The following DOK1 variants were observed in gnomAD, a reference collection of about 807,000 sequenced individuals.
DOK1 encodes docking protein 1.
Under a neutral mutation model 24.0 loss-of-function variants are expected in DOK1, and 12 were observed. The ratio of observed to expected loss-of-function variants is 0.50; its 90% confidence interval spans 0.32 to 0.81. DOK1 has a LOEUF of 0.81. Ranked by LOEUF, DOK1 falls within the 30% of genes least tolerant of loss-of-function variation. The pLI is 0.03. For synonymous variants in DOK1, 250 were observed against 260.9 expected (o/e 0.96, Z 0.40); for missense variants, 591 against 620.7 (o/e 0.95, Z 0.51).
At position 74,556,771 on chromosome 2, in the gene DOK1, TG is replaced by T; in HGVS notation, c.1105del (p.Ala369ProfsTer25). ...CCCATCTATGATGAACCTGAGGGCC[TG>T]GCCCCAGTCCCTCCCCAGGGCCTTT... ...EDPIYDEPEG[L>X]APVPPQGLYD... On this transcript the variant is annotated frameshift_variant, in exon 5 of 5. Coordinates refer to ENST00000233668, the MANE Select transcript of DOK1 (RefSeq NM_001381.5). LOFTEE classifies it low-confidence loss of function (END_TRUNC). The surrounding 1 kb of genome is among the most constrained non-coding windows in gnomAD (Gnocchi z 4.1). 1 of 1,614,156 alleles carries T rather than the reference TG, an allele frequency of 6.2e-7. No individual in the cohort carries two copies. Among genetic ancestry groups the T allele is most frequent in the East Asian group, 2.2e-5 (1 of 44,878 alleles).
At position 74,555,053 on chromosome 2, in the gene DOK1, C is replaced by T; in HGVS notation, c.61-101C>T. On this transcript the variant is annotated intron_variant, in intron 1 of 4. Coordinates refer to ENST00000233668, the MANE Select transcript of DOK1 (RefSeq NM_001381.5). The surrounding 1 kb of genome is among the most constrained non-coding windows in gnomAD (Gnocchi z 6.1). Reference sequence around the variant, plus strand: ...TTCGCCCCCAACCCCGTTTGGAAGCCCCAGATCCCAAATCGACTTGCGCCG... The same window carrying T: ...TTCGCCCCCAACCCCGTTTGGAAGCTCCAGATCCCAAATCGACTTGCGCCG... The T allele has an allele frequency of 2.1e-6, 3 of 1,462,062 alleles. No homozygotes were observed. Among genetic ancestry groups the T allele is most frequent in the Non-Finnish European group, 2.7e-6 (3 of 1,092,642 alleles). 90.6% of individuals were successfully genotyped at this position (1,462,062 alleles called of 1,614,324 possible).
Position 74,554,962 on chromosome 2 carries a change from C to T in DOK1, c.60+148C>T. 6.9e-7 allele frequency: 1 copy of T among 1,442,954 alleles called. No homozygotes were observed. Among genetic ancestry groups the T allele is most frequent in the Non-Finnish European group, 9.5e-7 (1 of 1,052,334 alleles). The allele number at this position is 1,442,954 out of a possible 1,614,324, so 89.4% of individuals were successfully genotyped here. On this transcript the variant is annotated intron_variant, in intron 1 of 4. Transcript: ENST00000233668. This position sits in a 1 kb window ranked among gnomAD's most constrained non-coding sequence, Gnocchi z 4.9. ...CCCGTGAAGTTGCTTTGCACACTCC[C>T]GGGAAGCGTCTGTAGTCTAGGGGTT...
chr2:74,552,240 G>T, upstream of DOK1: 1 of 1,315,036 alleles, frequency 7.6e-7, no homozygotes, highest in Non-Finnish European at 1.1e-6. Flanking sequence ...TGTCCCTATG[G>T]CTGTGCCATC....
At chr2:74,554,558 G>A, upstream of DOK1, 1 of 602,958 alleles carries the variant, frequency 1.7e-6, no homozygotes, top group South Asian at 2.0e-5. This position sits in a 1 kb window ranked among gnomAD's most constrained non-coding sequence, Gnocchi z 4.9. Flanking sequence ...GTAGGGGCCT[G>A]GGGTGCTGCA....
upstream of DOK1, among the ~76,000 whole-genome samples, chr2:74,551,183 C>T (rs1464772101): frequency 6.6e-6 from 1 of 152,246 alleles, no homozygotes; most frequent in Non-Finnish European, 1.5e-5. Context: ...ATCCACCCAC[C>T]TCAGCCTCCC....
At chr2:74,550,360 G>T, upstream of DOK1, 1 of 1,611,696 alleles carries the variant, frequency 6.2e-7, no homozygotes, top group Non-Finnish European at 8.5e-7. Flanking sequence ...TGTGGAAGGG[G>T]AGATGAAGGG....
chr2:74,553,573 C>T (rs994863860), upstream of DOK1, among the ~76,000 whole-genome samples: 1 of 152,226 alleles, frequency 6.6e-6, no homozygotes, highest in Non-Finnish European at 1.5e-5. Flanking sequence ...CATGCTTCCC[C>T]CAACCCAAAC....
In DOK1 at chr2:74,554,979, C is replaced by T; in HGVS notation, c.60+165C>T. 1.4e-6 allele frequency: 2 copies of T among 1,404,492 alleles called. No homozygotes were observed. Among genetic ancestry groups the T allele is most frequent in the Non-Finnish European group, 2.0e-6 (2 of 1,021,276 alleles). 87.0% of individuals were successfully genotyped at this position (1,404,492 alleles called of 1,614,324 possible). The stretch of plus-strand genomic sequence containing the variant: ...CACACTCCCGGGAAGCGTCTGTAGT[C>T]TAGGGGTTCTGGTCCTGGGGAGACG... On this transcript the variant is annotated intron_variant, in intron 1 of 4. Transcript: ENST00000233668. The surrounding 1 kb of genome is among the most constrained non-coding windows in gnomAD (Gnocchi z 4.9).
upstream of DOK1, among the ~76,000 whole-genome samples, chr2:74,551,075 A>T (rs1456371142): frequency 6.6e-6 from 1 of 152,134 alleles, no homozygotes. Flanking sequence ...TGGGGCTACA[A>T]GCATGTGCCA....
Position 74,556,374 on chromosome 2 carries a change from G to T in DOK1, c.706G>T (p.Ala236Ser). Residue 236 changes from alanine (A) to serine (S), a missense_variant, in exon 5 of 5, where the codon GCA becomes TCA. Transcript: ENST00000233668. This position sits in a 1 kb window ranked among gnomAD's most constrained non-coding sequence, Gnocchi z 4.1. ...CCCTGGAACCTTCACCTTCCAGACG[G>T]CACAGGGAAATGACATCTTCCAGGC... ...SGPGTFTFQT[A>S]QGNDIFQAVE... 1 of 1,613,998 alleles carries T rather than the reference G, an allele frequency of 6.2e-7. No homozygotes were observed. Among genetic ancestry groups the T allele is most frequent in the Non-Finnish European group, 8.5e-7 (1 of 1,180,026 alleles).
rs1677423758 is a variant in DOK1 at position 74,555,925 on chromosome 2, T to C, written c.486T>C (p.Thr162=). ...GSQFWVTVQR[T]EAAERCGLHG... Reference sequence around the variant, plus strand: ...AATTCTGGGTAACGGTGCAGAGGACTGAGGCCGCCGAGCGCTGTGGCCTGC... The same window carrying C: ...AATTCTGGGTAACGGTGCAGAGGACCGAGGCCGCCGAGCGCTGTGGCCTGC... The change falls in exon 4 of 5, where the codon ACT becomes ACC. Residue 162 remains threonine (T), a synonymous_variant. Coordinates refer to ENST00000233668, the MANE Select transcript of DOK1 (RefSeq NM_001381.5). This position sits in a 1 kb window ranked among gnomAD's most constrained non-coding sequence, Gnocchi z 6.1. 2.5e-6 allele frequency: 4 copies of C among 1,611,924 alleles called. No individual in the cohort carries two copies. The highest frequency in any genetic ancestry group is 3.4e-6 in the Non-Finnish European group (4 of 1,178,944).
upstream of DOK1, among the ~76,000 whole-genome samples, chr2:74,551,583 A>G (rs556575135): frequency 6.6e-6 from 1 of 152,382 alleles, no homozygotes; most frequent in East Asian, 1.9e-4. Context: ...CCTCCTTGAA[A>G]CTTGGCTTCT....
Position 74,556,632 on chromosome 2 carries a change from A to T in DOK1, c.964A>T (p.Thr322Ser), listed in dbSNP as rs1015831329. 2.5e-6 allele frequency: 4 copies of T among 1,614,124 alleles called. No individual in the cohort carries two copies. The highest frequency in any genetic ancestry group is 1.7e-6 in the Non-Finnish European group (2 of 1,180,050). ...DSLYSDPLDS[T>S]SAQAGEGVQR... ...CCTATACTCAGACCCCTTGGACAGC[A>T]CGTCTGCTCAGGCAGGAGAGGGAGT... The change falls in exon 5 of 5, where the codon ACG (threonine) becomes TCG (serine). Residue 322 changes from threonine (T) to serine (S), a missense_variant. Physicochemically the swap from Thr to Ser is moderately conservative, Grantham distance 58. Transcript: ENST00000233668. This position sits in a 1 kb window ranked among gnomAD's most constrained non-coding sequence, Gnocchi z 4.1.
At position 74,555,640 on chromosome 2, in the gene DOK1, G is replaced by T. The variant is rs1408503107; in HGVS notation, c.426G>T (p.Glu142Asp). The T allele has an allele frequency of 1.2e-6, 2 of 1,614,014 alleles. No individual in the cohort carries two copies. Among genetic ancestry groups the T allele is most frequent in the African/African-American group, 2.7e-5 (2 of 74,926 alleles). ...AGCTTTCTGCCCTGGAGATGCTGGAGAACTCCTTGTACAGCCCTACCTGGG... is the reference window on the plus strand; with the variant it reads ...AGCTTTCTGCCCTGGAGATGCTGGATAACTCCTTGTACAGCCCTACCTGGG... ...PPKLSALEML[E>D]NSLYSPTWEG... is the part of the protein sequence containing the mutation. The change falls in exon 3 of 5, where the codon GAG becomes GAT. Residue 142 changes from glutamate to aspartate, a missense_variant. Transcript: ENST00000233668. The surrounding 1 kb of genome is among the most constrained non-coding windows in gnomAD (Gnocchi z 6.1).
Position 74,557,024 on chromosome 2 carries a change from C to T in DOK1, c.1356C>T (p.Val452=). The change falls in exon 5 of 5, where the codon GTC becomes GTT. Residue 452 remains valine, a synonymous_variant. Coordinates refer to ENST00000233668, the MANE Select transcript of DOK1 (RefSeq NM_001381.5). ...ACAACTCAGCCCTGTACAGCCAGGT[C>T]CAGAAGAGCGGGGCCTCAGGGAGCT... The part of the protein sequence containing the change: ...KSHNSALYSQ[V]QKSGASGSWD... The T allele has an allele frequency of 6.2e-7, 1 of 1,614,212 alleles. No individual in the cohort carries two copies. The highest frequency in any genetic ancestry group is 8.5e-7 in the Non-Finnish European group (1 of 1,180,042).
upstream of DOK1, chr2:74,554,314 A>G (rs1257975554): frequency 5.7e-6 from 1 of 174,426 alleles, no homozygotes; most frequent in Non-Finnish European, 1.2e-5. This position sits in a 1 kb window ranked among gnomAD's most constrained non-coding sequence, Gnocchi z 4.9. Context: ...CGGAGTCTAA[A>G]CAGCCCGGCT....
upstream of DOK1, chr2:74,554,700 C>CCCGCCCCGCCTCCCGCCTT: frequency 6.3e-7 from 1 of 1,587,886 alleles, no homozygotes; most frequent in Non-Finnish European, 8.6e-7. This position sits in a 1 kb window ranked among gnomAD's most constrained non-coding sequence, Gnocchi z 4.9. Flanking sequence ...GGCCCCGCCT[C>CCCGCCCCGCCTCCCGCCTT]CCGCCCCGCC....
chr2:74,554,450 T>C (rs75192983), upstream of DOK1: 90,162 of 466,342 alleles, frequency 0.19, 15,092 homozygotes, highest in East Asian at 0.83. This position sits in a 1 kb window ranked among gnomAD's most constrained non-coding sequence, Gnocchi z 4.9. Flanking sequence ...ACCTTGGGCA[T>C]ATGACGTCAC....
Position 74,557,486 on chromosome 2 carries a change from T to G in DOK1, c.*372T>G, listed in dbSNP as rs1190681533. ...TGTGCCTGGATCCTTACTCCTGCAT[T>G]GTTCTTTGCCAGAGACCTATTTAAA... is the stretch of plus-strand genomic sequence containing the variant. On this transcript the variant is annotated 3_prime_UTR_variant, in exon 5 of 5. Transcript: ENST00000233668. 1.0e-5 allele frequency: 2 copies of G among 196,232 alleles called. No individual in the cohort carries two copies. The highest frequency in any genetic ancestry group is 4.7e-5 in the African/African-American group (2 of 43,006). The allele number at this position is 196,232 out of a possible 1,614,324, so 12.2% of individuals were successfully genotyped here. A position where few individuals can be genotyped will look rare whatever the true frequency, so the allele number is the denominator to read the frequency against.
Sources: allele counts gnomAD v4.1 joint callset (sites outside exome capture counted in the v4.1 genomes callset), GRCh38; gene constraint gnomAD v4.1.1; non-coding constraint Gnocchi (gnomAD v3.1); transcripts MANE v1.5; gene names NCBI Gene and HGNC (gene_info 2026-07-23, HGNC 2026-07-21).